The following ATXN2 variants were observed in gnomAD, a reference collection of about 807,000 sequenced individuals.
ATXN2 encodes ataxin 2.
In ATXN2, 37 loss-of-function variants were observed where a neutral mutation model predicts 138.6. That is an observed-to-expected ratio of 0.27 (90% CI 0.21 to 0.35). The LOEUF is 0.35. Ranked by LOEUF, ATXN2 falls within the 10% of genes least tolerant of loss-of-function variation. The probability of loss-of-function intolerance (pLI) is 1.00; values close to 1 mark genes in which losing one functional copy is unlikely to be tolerated. For synonymous variants in ATXN2, 549 were observed against 543.7 expected (o/e 1.01, Z -0.13); for missense variants, 1,216 against 1,480.3 (o/e 0.82, Z 2.93).
In ATXN2 at chr12:111,573,494, C is replaced by G. The variant is rs371856547; in HGVS notation, c.252-17575G>C. On this transcript the variant is annotated intron_variant, in intron 1 of 24. Transcript: ENST00000673436. The stretch of plus-strand genomic sequence containing the variant: ...TACAGGCATAAGCGACTGCTCCCAG[C>G]CTTCTTCACTGATTTTTACTTGTTT... Among the ~76,000 whole-genome samples the G allele has an allele frequency of 3.7e-4, 56 of 152,312 alleles. No homozygotes were observed. In the South Asian group the frequency reaches 5.2e-3, roughly 14 times the overall value.
At chr12:111,586,224 T>G (rs996208258) in intron 1 of ATXN2, among the ~76,000 whole-genome samples, 3 of 150,662 alleles carry the variant, frequency 2.0e-5, no homozygotes, top group Non-Finnish European at 4.4e-5. Flanking sequence ...CCAAACTTTT[T>G]TTTTTTTTTT....
At chr12:111,462,983 C>T (rs1566004415) in intron 21 of ATXN2, among the ~76,000 whole-genome samples, 1 of 146,282 alleles carries the variant, frequency 6.8e-6, no homozygotes, top group African/African-American at 2.8e-5. Context: ...TATATACACA[C>T]ACACACACAC....
rs187282804 is a variant in ATXN2 at position 111,526,700 on chromosome 12, C to T, written c.572-1384G>A. 8.5e-5 allele frequency among the ~76,000 whole-genome samples: 13 copies of T among 152,266 alleles called. No homozygotes were observed. In the East Asian group the frequency reaches 1.4e-3, roughly 16 times the overall value. ...GATTACAGGTGTGAGCAACCATGCC[C>T]GGCCTAAAATATCTCTTTTGTTTAA... On this transcript the variant is annotated intron_variant, in intron 5 of 24. Coordinates refer to ENST00000673436, the MANE Select transcript of ATXN2 (RefSeq NM_001372574.1).
chr12:111,599,329 G>C (rs1885143164), upstream of ATXN2: 20 of 1,168,550 alleles, frequency 1.7e-5, no homozygotes, highest in Non-Finnish European at 2.1e-5. Flanking sequence ...GGGAGGGAGG[G>C]GGGCCGGGGC....
At position 111,465,295 on chromosome 12, in the gene ATXN2, A is replaced by ATTT. The variant is rs10686219; in HGVS notation, c.2843-583_2843-581dup. ...GGTGGAGGGATTATGGATGCTTTTC[A>ATTT]TTTTTTTTTTTTTTAACTTAACTAT... On this transcript the variant is annotated intron_variant, in intron 20 of 24. Transcript: ENST00000673436. 5.1e-4 allele frequency among the ~76,000 whole-genome samples: 75 copies of ATTT among 145,960 alleles called. 1 individual carries two copies. Among genetic ancestry groups the ATTT allele is most frequent in the Admixed American group, 1.4e-3 (20 of 14,586 alleles).
intron 1 of ATXN2, among the ~76,000 whole-genome samples, chr12:111,578,658 T>C (rs938534815): frequency 6.6e-5 from 10 of 152,134 alleles, no homozygotes; most frequent in African/African-American, 2.2e-4. Flanking sequence ...TGCATAAACA[T>C]AGTTTCTCAT....
chr12:111,565,317 C>T (rs1399706290), intron 1 of ATXN2, among the ~76,000 whole-genome samples: 3 of 152,092 alleles, frequency 2.0e-5, no homozygotes, highest in Non-Finnish European at 1.5e-5. Context: ...CCATTAGTGC[C>T]GTATTTCCAG....
intron 14 of ATXN2, among the ~76,000 whole-genome samples, chr12:111,499,782 C>T (rs1878638066): frequency 6.6e-6 from 1 of 151,392 alleles, no homozygotes; most frequent in Admixed American, 6.6e-5. Context: ...ATTGCTTGAG[C>T]CCAGGAGTTC....
At chr12:111,500,233 G>A (rs1878675149) in intron 14 of ATXN2, among the ~76,000 whole-genome samples, 2 of 152,066 alleles carry the variant, frequency 1.3e-5, no homozygotes, top group Non-Finnish European at 2.9e-5. Flanking sequence ...ACAGACAAAT[G>A]GAGAAAGAAA....
chr12:111,562,651 C>G (rs1164173365), intron 1 of ATXN2, among the ~76,000 whole-genome samples: 2 of 139,442 alleles, frequency 1.4e-5, no homozygotes, highest in Non-Finnish European at 3.0e-5. Context: ...ACCCGGGAGG[C>G]AGAGGTTGCA....
chr12:111,526,312 C>T (rs1217906285), intron 5 of ATXN2, among the ~76,000 whole-genome samples: 2 of 150,934 alleles, frequency 1.3e-5, no homozygotes, highest in African/African-American at 4.9e-5. Flanking sequence ...ATGGAGATCA[C>T]GCCACTGTGC....
intron 6 of ATXN2, among the ~76,000 whole-genome samples, chr12:111,523,599 G>A (rs1378570196): frequency 2.0e-5 from 3 of 151,948 alleles, no homozygotes; most frequent in Non-Finnish European, 4.4e-5. Context: ...GGTGGCGCAC[G>A]CCTATAGTCC....
intron 10 of ATXN2, among the ~76,000 whole-genome samples, chr12:111,515,714 TCTCAAAAAAGA>T (rs1005557207): frequency 5.9e-5 from 9 of 152,264 alleles, no homozygotes; most frequent in African/African-American, 2.2e-4. Context: ...GGGCTGTCGC[TCTCAAAAAAGA>T]CCCAGAAAAC....
chr12:111,483,190 CACAT>C (rs201793760), intron 18 of ATXN2, among the ~76,000 whole-genome samples: 7,469 of 114,384 alleles, frequency 0.065, 582 homozygotes, highest in East Asian at 0.31. Flanking sequence ...CTGTATCAAA[CACAT>C]ACACACACAC....
At chr12:111,582,844 ATTT>A (rs1884085376) in intron 1 of ATXN2, among the ~76,000 whole-genome samples, 1 of 151,406 alleles carries the variant, frequency 6.6e-6, no homozygotes, top group African/African-American at 2.4e-5. Context: ...AATTTTTTGT[ATTT>A]TTAGTAGAGA....
chr12:111,571,582 TC>T (rs1830378063), intron 1 of ATXN2, among the ~76,000 whole-genome samples: 1 of 152,026 alleles, frequency 6.6e-6, no homozygotes, highest in Admixed American at 6.6e-5. Context: ...AAGGAGACCA[TC>T]TTGATTTAAA....
chr12:111,471,806 A>G (rs948521909), intron 18 of ATXN2: 6 of 152,048 alleles, frequency 3.9e-5, no homozygotes, highest in African/African-American at 1.4e-4. Flanking sequence ...TTATCAAATG[A>G]AAGTTTGCCC....
intron 14 of ATXN2, among the ~76,000 whole-genome samples, chr12:111,504,534 C>A (rs922568346): frequency 6.6e-6 from 1 of 152,132 alleles, no homozygotes; most frequent in Non-Finnish European, 1.5e-5. Context: ...ATGTGATCTG[C>A]CTGCTTGGGA....
At chr12:111,526,295 G>A (rs1471796797) in intron 5 of ATXN2, among the ~76,000 whole-genome samples, 1 of 151,534 alleles carries the variant, frequency 6.6e-6, no homozygotes, top group Non-Finnish European at 1.5e-5. Flanking sequence ...GGTGGAGGTT[G>A]CAATGAATGG....
Sources: gnomAD v4.1 joint callset for allele counts (sites outside exome capture counted in the v4.1 genomes callset) on GRCh38, gnomAD v4.1.1 for gene constraint, MANE v1.5 for transcripts, NCBI Gene and HGNC (gene_info 2026-07-23, HGNC 2026-07-21) for gene names.